C19orf38: variants seen among roughly 807,000 people sequenced by gnomAD.
C19orf38 encodes the protein protein HIDE1.
In C19orf38, 14 loss-of-function variants were observed where a neutral mutation model predicts 26.6. The observed-to-expected ratio is 0.53, with a 90% confidence interval of 0.35 to 0.82. The LOEUF (loss-of-function observed/expected upper bound fraction) is 0.82, where lower values mean the gene tolerates loss of function less well. Among genes scored for constraint, C19orf38 ranks in the 40% least tolerant of loss-of-function variants. C19orf38 has a pLI of 0.01. For missense variants in C19orf38, 261 were observed against 299.5 expected, an observed-to-expected ratio of 0.87 and a Z score of 0.95; for synonymous variants, 132 against 128.5, an observed-to-expected ratio of 1.03 and a Z score of -0.18.
At chr19:10,839,881 C>A (rs1022297098) in intron 1 of C19orf38, among the ~76,000 whole-genome samples, 8 of 152,006 alleles carry the variant, frequency 5.3e-5, no homozygotes, top group African/African-American at 1.9e-4. Flanking sequence ...CACGCCACCA[C>A]ACCTGGCTAA....
At chr19:10,861,771 T>A (rs993752750) in intron 5 of C19orf38, among the ~76,000 whole-genome samples, 2 of 150,040 alleles carry the variant, frequency 1.3e-5, no homozygotes, top group African/African-American at 4.9e-5. Flanking sequence ...AGAGGTAGGG[T>A]TTCACCATGT....
chr19:10,838,404 C>T (rs772705368), intron 1 of C19orf38, among the ~76,000 whole-genome samples: 3 of 152,018 alleles, frequency 2.0e-5, no homozygotes, highest in Non-Finnish European at 4.4e-5. Context: ...AGCAGGACTC[C>T]GTGTCAAAAA....
At chr19:10,858,388 A>G in intron 4 of C19orf38, 45 bp downstream of exon 4, 1 of 1,511,592 alleles carries the variant, frequency 6.6e-7, no homozygotes, top group Non-Finnish European at 9.0e-7. Context: ...TTGGGGAAAG[A>G]AGGACACTTC....
At chr19:10,864,179 C>T (rs2073730053) in intron 6 of C19orf38, among the ~76,000 whole-genome samples, 1 of 152,070 alleles carries the variant, frequency 6.6e-6, no homozygotes, top group Non-Finnish European at 1.5e-5. Flanking sequence ...CATGCCTCAG[C>T]CTCCCGGGCA....
At chr19:10,855,606 G>A (rs1368847053) in intron 2 of C19orf38, among the ~76,000 whole-genome samples, 1 of 152,170 alleles carries the variant, frequency 6.6e-6, no homozygotes, top group Non-Finnish European at 1.5e-5. Flanking sequence ...TCAGCTCACT[G>A]CAACCTCCGC....
At chr19:10,861,607 T>C (rs1175396599) in intron 5 of C19orf38, among the ~76,000 whole-genome samples, 1 of 152,060 alleles carries the variant, frequency 6.6e-6, no homozygotes, top group Non-Finnish European at 1.5e-5. Flanking sequence ...AGATGGAGTC[T>C]CATTGTGTCG....
intron 3 of C19orf38, among the ~76,000 whole-genome samples, chr19:10,857,362 ATATATTT>A (rs1486250745): frequency 8.6e-5 from 7 of 81,640 alleles, no homozygotes; most frequent in Non-Finnish European, 1.2e-4. Flanking sequence ...ATATATATAT[ATATATTT>A]TTTTTTTTTT....
chr19:10,852,913 C>T (rs976504299), intron 2 of C19orf38, among the ~76,000 whole-genome samples: 4 of 151,856 alleles, frequency 2.6e-5, no homozygotes, highest in Admixed American at 2.6e-4. Flanking sequence ...GTGTTACCAT[C>T]AGTCAGAACT....
At chr19:10,865,660 G>A (rs914951018) in intron 6 of C19orf38, among the ~76,000 whole-genome samples, 3 of 152,116 alleles carry the variant, frequency 2.0e-5, no homozygotes, top group South Asian at 2.1e-4. Flanking sequence ...CGTATGAAAA[G>A]CATTCACATG....
upstream of C19orf38, among the ~76,000 whole-genome samples, chr19:10,846,955 C>T (rs1001334326): frequency 3.3e-5 from 5 of 152,154 alleles, no homozygotes; most frequent in African/African-American, 1.2e-4. Context: ...GTGTTCCAGG[C>T]CAGGGAAATA....
rs79561063 is a variant in C19orf38, at chr19:10,869,503, G to C, written c.*136G>C. The C allele has an allele frequency of 3.6e-3, 4,501 of 1,254,314 alleles. 137 individuals carry two copies. The African/African-American group carries it at 0.062, about 17-fold the overall frequency. The allele number at this position is 1,254,314 out of a possible 1,614,324, so 77.7% of individuals were successfully genotyped here. ...AAAGGAAGGGGAACCCTGGCCTTGG[G>C]ATTTTCATCACAGAGGAGTGGGAGA... On this transcript the variant is annotated 3_prime_UTR_variant, in exon 7 of 7. Transcript: ENST00000397820.
At chr19:10,862,706 T>C (rs1021481294) in intron 5 of C19orf38, among the ~76,000 whole-genome samples, 1 of 152,066 alleles carries the variant, frequency 6.6e-6, no homozygotes, top group Non-Finnish European at 1.5e-5. Flanking sequence ...GGTGCATGCC[T>C]GTAATCCCAG....
intron 6 of C19orf38, among the ~76,000 whole-genome samples, chr19:10,866,418 C>T (rs374761749): frequency 7.1e-6 from 1 of 141,816 alleles, no homozygotes; most frequent in African/African-American, 2.6e-5. Context: ...GTTTGTCAGG[C>T]TAGTCTCGAA....
rs2073483168 is a variant in C19orf38 at position 10,842,201 on chromosome 19, T to C, written c.-69+5431T>C. 3 of 1,499,868 alleles carry C rather than the reference T, an allele frequency of 2.0e-6. No individual in the cohort carries two copies. The African/African-American group carries it at 4.1e-5, about 21-fold the overall frequency. 92.9% of individuals were successfully genotyped at this position (1,499,868 alleles called of 1,614,324 possible). A position where few individuals can be genotyped will look rare whatever the true frequency, so the allele number is the denominator to read the frequency against. On this transcript the variant is annotated intron_variant, in intron 1 of 7. Coordinates refer to the C19orf38 transcript ENST00000592854. ...CGGCAAATGTGGTTCTGAAATGGTATGAAAACTTTCAGTGATGACTACCAC... is the reference window on the plus strand; with the variant it reads ...CGGCAAATGTGGTTCTGAAATGGTACGAAAACTTTCAGTGATGACTACCAC...
upstream of C19orf38, among the ~76,000 whole-genome samples, chr19:10,847,136 A>G (rs2073524660): frequency 6.6e-6 from 1 of 152,160 alleles, no homozygotes; most frequent in Non-Finnish European, 1.5e-5. Context: ...ATAAATGCAA[A>G]CCCAGTAGTA....
chr19:10,867,638 ATTCTT>A (rs2073765077), intron 6 of C19orf38, among the ~76,000 whole-genome samples: 1 of 89,892 alleles, frequency 1.1e-5, no homozygotes, highest in African/African-American at 4.3e-5. Context: ...AAGGAAGAAC[ATTCTT>A]TTTTTTTTTT....
chr19:10,858,297 C>T lies in C19orf38; in HGVS notation c.434-19C>T. 7.2e-7 allele frequency: 1 copy of T among 1,390,190 alleles called. No homozygotes were observed. The highest frequency in any genetic ancestry group is 2.1e-5 in the Admixed American group (1 of 47,398). The allele number at this position is 1,390,190 out of a possible 1,614,324, so 86.1% of individuals were successfully genotyped here. On this transcript the variant is annotated intron_variant, in intron 3 of 6. Coordinates refer to ENST00000397820, the MANE Select transcript of C19orf38 (RefSeq NM_001136482.3). ...TTAGGACCAAAATCTAACACATGCT[C>T]ATTTCTTTTTTGTTCCAGTTAAACT...
intron 3 of C19orf38, among the ~76,000 whole-genome samples, chr19:10,857,913 AG>A (rs2073647071): frequency 1.3e-5 from 2 of 149,480 alleles, no homozygotes; most frequent in Non-Finnish European, 3.0e-5. Context: ...AAAGAAAGAA[AG>A]AAAGAAAGAA....
At chr19:10,851,965 A>G (rs552098873) in intron 2 of C19orf38, among the ~76,000 whole-genome samples, 14 of 136,578 alleles carry the variant, frequency 1.0e-4, no homozygotes, top group Middle Eastern at 3.8e-3. Context: ...ACAGAGCGAG[A>G]CTCCGTCTCA....
Sources: gnomAD v4.1 joint callset for allele counts (sites outside exome capture counted in the v4.1 genomes callset) on GRCh38, gnomAD v4.1.1 for gene constraint, MANE v1.5 for transcripts, NCBI Gene and HGNC (gene_info 2026-07-23, HGNC 2026-07-21) for gene names.